Variants in ARHGAP10 observed in about 807,000 individuals in gnomAD.
The protein encoded by ARHGAP10 is rho GTPase-activating protein 10.
A neutral mutation model predicts 108.6 loss-of-function variants in ARHGAP10; 87 were observed. That is an observed-to-expected ratio of 0.80 (90% CI 0.67 to 0.96). The LOEUF is 0.96. ARHGAP10 is among the 40% of genes least tolerant of loss of function. The pLI, the probability that ARHGAP10 is intolerant of heterozygous loss-of-function variation, is 0.00. For missense variants in ARHGAP10, 939 were observed against 954.5 expected, an observed-to-expected ratio of 0.98 and a Z score of 0.21; for synonymous variants, 347 against 341.1, an observed-to-expected ratio of 1.02 and a Z score of -0.19.
intron 18 of ARHGAP10, among the ~76,000 whole-genome samples, chr4:147,980,271 C>T (rs1444973404): frequency 6.6e-6 from 1 of 151,812 alleles, no homozygotes; most frequent in Non-Finnish European, 1.5e-5. Flanking sequence ...TTATCAAATG[C>T]TTTTTCTGTG....
chr4:147,944,917 A>G (rs188650314), intron 14 of ARHGAP10, among the ~76,000 whole-genome samples: 8 of 152,284 alleles, frequency 5.3e-5, no homozygotes, highest in Admixed American at 3.9e-4. Context: ...AGCAGTGGCA[A>G]TAACCTGCTA....
At chr4:148,058,812 C>T (rs183388862) in intron 20 of ARHGAP10, among the ~76,000 whole-genome samples, 51 of 152,340 alleles carry the variant, frequency 3.3e-4, no homozygotes, top group South Asian at 4.1e-4. Flanking sequence ...CACTGCTGCA[C>T]GTGAAAGCTA....
intron 4 of ARHGAP10, among the ~76,000 whole-genome samples, chr4:147,848,398 G>T (rs960548349): frequency 6.6e-6 from 1 of 152,368 alleles, no homozygotes. Flanking sequence ...AGGCAGCTGG[G>T]TTGTCCCCTC....
intron 1 of ARHGAP10, among the ~76,000 whole-genome samples, chr4:147,742,089 T>C (rs1478327483): frequency 1.3e-5 from 2 of 152,072 alleles, no homozygotes; most frequent in Non-Finnish European, 2.9e-5. Flanking sequence ...GATGTGTGGC[T>C]GGAAGAACTC....
chr4:148,007,781 T>C (rs1165262725), intron 18 of ARHGAP10, among the ~76,000 whole-genome samples: 1 of 152,238 alleles, frequency 6.6e-6, no homozygotes, highest in Non-Finnish European at 1.5e-5. Context: ...GTTTACAAGG[T>C]TATTCCTCTT....
intron 10 of ARHGAP10, among the ~76,000 whole-genome samples, chr4:147,883,563 T>A (rs1172410770): frequency 6.6e-6 from 1 of 152,192 alleles, no homozygotes; most frequent in Non-Finnish European, 1.5e-5. Flanking sequence ...CTGTTTCCAT[T>A]TTATGATGAG....
chr4:148,052,403 T>TC (rs1484297841), intron 20 of ARHGAP10, among the ~76,000 whole-genome samples: 1 of 148,752 alleles, frequency 6.7e-6, no homozygotes, highest in Non-Finnish European at 1.5e-5. Flanking sequence ...TTTTTTTTTT[T>TC]TTTTTTTTTG....
chr4:147,968,915 G>A (rs1305032857), intron 18 of ARHGAP10, among the ~76,000 whole-genome samples: 1 of 152,176 alleles, frequency 6.6e-6, no homozygotes, highest in Admixed American at 6.5e-5. Context: ...CATGTTTTGG[G>A]ACTCGGATCC....
At chr4:147,998,804 C>T (rs1174185236) in intron 18 of ARHGAP10, among the ~76,000 whole-genome samples, 1 of 152,190 alleles carries the variant, frequency 6.6e-6, no homozygotes, top group Non-Finnish European at 1.5e-5. Flanking sequence ...ATTGTAGCTA[C>T]TTCCTAAATA....
intron 1 of ARHGAP10, among the ~76,000 whole-genome samples, chr4:147,766,109 TGTC>T (rs1414659961): frequency 4.2e-4 from 64 of 152,000 alleles, no homozygotes; most frequent in Admixed American, 4.2e-3. Context: ...GGTGAAACCC[TGTC>T]TTTACTGGAA....
chr4:147,903,964 C>G (rs1346287780), intron 10 of ARHGAP10, among the ~76,000 whole-genome samples: 4 of 152,104 alleles, frequency 2.6e-5, no homozygotes, highest in African/African-American at 9.7e-5. Context: ...GTTTTCAGTT[C>G]CTTTAGGTAA....
chr4:147,794,615 G>A (rs1436211672), intron 1 of ARHGAP10, among the ~76,000 whole-genome samples: 1 of 152,030 alleles, frequency 6.6e-6, no homozygotes, highest in Non-Finnish European at 1.5e-5. Flanking sequence ...TGGTTTTTGT[G>A]TTTTCTGGAA....
chr4:147,890,366 T>C (rs1302374636), intron 10 of ARHGAP10, among the ~76,000 whole-genome samples: 1 of 152,218 alleles, frequency 6.6e-6, no homozygotes, highest in African/African-American at 2.4e-5. Flanking sequence ...TTACTTTGAA[T>C]TTTTCTTAGC....
intron 19 of ARHGAP10, among the ~76,000 whole-genome samples, chr4:148,034,937 A>C (rs1728308015): frequency 6.6e-6 from 1 of 152,208 alleles, no homozygotes; most frequent in African/African-American, 2.4e-5. Context: ...TATGACATAA[A>C]AATGCTCTTT....
intron 10 of ARHGAP10, among the ~76,000 whole-genome samples, chr4:147,893,206 G>A (rs1049096147): frequency 1.3e-5 from 2 of 151,752 alleles, no homozygotes; most frequent in African/African-American, 4.8e-5. Flanking sequence ...TTACAGGTGT[G>A]AGCCACCATG....
At position 147,992,000 on chromosome 4, in the gene ARHGAP10, A is replaced by G. The variant is rs1445819085; in HGVS notation, c.1716+25161A>G. ...ATTCAAAAAGTGCAGGATTAACTTC[A>G]GTGTGGAGCCTGGGAATCCAGAAGA... On this transcript the variant is annotated intron_variant, in intron 18 of 22. Transcript: ENST00000336498. Among the ~76,000 whole-genome samples the G allele has an allele frequency of 3.9e-5, 6 of 152,336 alleles. No homozygotes were observed. In the East Asian group the frequency reaches 1.2e-3, roughly 29 times the overall value.
intron 18 of ARHGAP10, among the ~76,000 whole-genome samples, chr4:148,012,019 G>T (rs1741188024): frequency 6.6e-6 from 1 of 152,294 alleles, no homozygotes; most frequent in East Asian, 1.9e-4. Flanking sequence ...AATTTGACAG[G>T]TGGGCCATGT....
intron 10 of ARHGAP10, among the ~76,000 whole-genome samples, chr4:147,893,217 C>A (rs1735856146): frequency 6.6e-6 from 1 of 151,906 alleles, no homozygotes; most frequent in Non-Finnish European, 1.5e-5. Context: ...AGCCACCATG[C>A]CCAGCTAATT....
intron 1 of ARHGAP10, among the ~76,000 whole-genome samples, chr4:147,751,668 T>G (rs1560738822): frequency 6.6e-6 from 1 of 151,690 alleles, no homozygotes; most frequent in Non-Finnish European, 1.5e-5. Context: ...CACCTGGCCT[T>G]TTTTTGCTTT....
Sources: allele counts gnomAD v4.1 joint callset (sites outside exome capture counted in the v4.1 genomes callset), GRCh38; gene constraint gnomAD v4.1.1; transcripts MANE v1.5; gene names NCBI Gene and HGNC (gene_info 2026-07-23, HGNC 2026-07-21).